DSP: variants seen among roughly 807,000 people sequenced by gnomAD.
DSP encodes the protein 250/210 kDa paraneoplastic pemphigus antigen.
Under a neutral mutation model 290.6 loss-of-function variants are expected in DSP, and 114 were observed. That is an observed-to-expected ratio of 0.39 (90% CI 0.34 to 0.46). The LOEUF is 0.46. Among genes scored for constraint, DSP ranks in the 20% least tolerant of loss-of-function variants. The pLI is 0.99. For missense variants in DSP, 3,230 were observed against 3,495.8 expected (o/e 0.92, Z 1.92); for synonymous variants, 1,311 against 1,316.4 (o/e 1.00, Z 0.09).
chr6:7,566,733 A>G (rs776589778), intron 8 of DSP, among the ~76,000 whole-genome samples: 2 of 152,210 alleles, frequency 1.3e-5, no homozygotes, highest in Non-Finnish European at 2.9e-5. Context: ...AGAAGGAGGC[A>G]TAGACACTGT....
intron 13 of DSP, among the ~76,000 whole-genome samples, chr6:7,571,081 C>T (rs1759029226): frequency 6.6e-6 from 1 of 151,898 alleles, no homozygotes; most frequent in Non-Finnish European, 1.5e-5. Flanking sequence ...TCCCCCGAGC[C>T]CTTTTTCTCT....
chr6:7,565,376 G>A lies in DSP; in HGVS notation c.795G>A (p.Arg265=). The A allele has an allele frequency of 6.2e-7, 1 of 1,614,072 alleles. No homozygotes were observed. Among genetic ancestry groups the A allele is most frequent in the Non-Finnish European group, 8.5e-7 (1 of 1,179,994 alleles). The change falls in exon 7 of 24, where the codon AGG becomes AGA. Residue 265 remains arginine, a synonymous_variant. Transcript: ENST00000379802. The surrounding 1 kb of genome is among the most constrained non-coding windows in gnomAD (Gnocchi z 4.2). ...CTGTGCAGAAAGCGTCCTTTGAGAG[G>A]ATGGATCACCTGCGACAGCTGCAGA... ...YENLLKASFE[R]MDHLRQLQNI... is the part of the protein sequence containing the mutation.
chr6:7,548,012 G>T (rs958274385), intron 1 of DSP, among the ~76,000 whole-genome samples: 1 of 152,132 alleles, frequency 6.6e-6, no homozygotes, highest in African/African-American at 2.4e-5. Context: ...GCTCACGCCT[G>T]TAATCCAGCA....
Position 7,584,352 on chromosome 6 carries a change from G to A in DSP, c.7090G>A (p.Gly2364Ser), listed in dbSNP as rs1197311272. 12 of 1,614,114 alleles carry A rather than the reference G, an allele frequency of 7.4e-6. No homozygotes were observed. Among genetic ancestry groups the A allele is most frequent in the Admixed American group, 5.0e-5 (3 of 60,028 alleles). The change falls in exon 24 of 24, where the codon GGT (glycine) becomes AGT (serine). Residue 2364 changes from glycine to serine, a missense_variant. By Grantham distance (56) the Gly-to-Ser change is moderately conservative (BLOSUM62 0). Transcript: ENST00000379802. The surrounding 1 kb of genome is among the most constrained non-coding windows in gnomAD (Gnocchi z 6.4). ...MNKELIEKGHGIRLLEAQIAT... is the reference protein window; with the variant it reads ...MNKELIEKGHSIRLLEAQIAT... Reference sequence around the variant, plus strand: ...TAAGGAACTCATCGAAAAGGGCCACGGTATTCGCTTATTAGAAGCACAGAT... The same window carrying A: ...TAAGGAACTCATCGAAAAGGGCCACAGTATTCGCTTATTAGAAGCACAGAT...
rs576627449 is a variant in DSP at position 7,559,020 on chromosome 6, C to T, written c.423-206C>T. Among the ~76,000 whole-genome samples, 4 of 152,176 alleles carry T rather than the reference C, an allele frequency of 2.6e-5. No homozygotes were observed. The South Asian group carries it at 6.2e-4, about 24-fold the overall frequency. ...GGCAGTGACGCTTTCTATGCTGTTA[C>T]GCACTTTGAACCTCTTCCTAAGATT... On this transcript the variant is annotated intron_variant, in intron 3 of 23. Transcript: ENST00000379802.
chr6:7,547,992 G>A (rs878930952), intron 1 of DSP, among the ~76,000 whole-genome samples: 3 of 152,040 alleles, frequency 2.0e-5, no homozygotes, highest in East Asian at 3.9e-4. Context: ...AATTTCTGCC[G>A]GGCGCGGTGG....
At chr6:7,549,534 C>CA (rs1467267598) in intron 1 of DSP, among the ~76,000 whole-genome samples, 2 of 152,228 alleles carry the variant, frequency 1.3e-5, no homozygotes, top group East Asian at 1.9e-4. Context: ...TCAAGAAACT[C>CA]AAACAAAATA....
chr6:7,574,277 A>G, intron 16 of DSP, 25 bp downstream of exon 16: 2 of 1,609,338 alleles, frequency 1.2e-6, no homozygotes, highest in Non-Finnish European at 1.7e-6. Context: ...CACTAATCTC[A>G]TATTTTCCTT....
chr6:7,548,873 T>C (rs984835527), intron 1 of DSP, among the ~76,000 whole-genome samples: 23 of 152,216 alleles, frequency 1.5e-4, no homozygotes, highest in African/African-American at 4.8e-4. Flanking sequence ...TCTTCCACTT[T>C]ACTAAGCCAA....
Position 7,562,654 on chromosome 6 carries a change from G to A in DSP, c.600G>A (p.Ala200=), listed in dbSNP as rs748400605. ...CTCTCTTTGTCTTTGTGTCGCAGGC[G>A]GAGATGGACATGGTGGCCTGGGGTG... The part of the protein sequence containing the change: ...ECLGWMRQQR[A]EMDMVAWGVD... Residue 200 remains alanine, a splice_region_variant and synonymous_variant, in exon 5 of 24, where the codon GCG becomes GCA. Transcript: ENST00000379802. 7 of 1,614,122 alleles carry A rather than the reference G, an allele frequency of 4.3e-6. No homozygotes were observed. The highest frequency in any genetic ancestry group is 1.7e-5 in the Admixed American group (1 of 60,006).
rs1437385753 is a variant in DSP at position 7,571,445 on chromosome 6, A to G, written c.1764A>G (p.Gln588=). ...KTIADLELHY[Q]EFIRNSQGSE... ...TAGCCGACCTTGAGTTACATTACCA[A>G]GAGTTCATCAGAAATAGCCAAGGCT... The change falls in exon 14 of 24, where the codon CAA becomes CAG. Residue 588 remains glutamine (Q), a synonymous_variant. Transcript: ENST00000379802. The G allele has an allele frequency of 1.2e-6, 2 of 1,614,118 alleles. No individual in the cohort carries two copies. The highest frequency in any genetic ancestry group is 1.7e-6 in the Non-Finnish European group (2 of 1,180,060).
At chr6:7,567,727 TG>T in intron 9 of DSP, 53 bp from the exon 10 acceptor site, 1 of 1,611,582 alleles carries the variant, frequency 6.2e-7, no homozygotes, top group South Asian at 1.1e-5. Context: ...AACTACTAGA[TG>T]AAATTGCTCA....
rs750952168 is a variant in DSP, at chr6:7,581,464, C to T, written c.5274C>T (p.Ile1758=). ...TGGAACTAAGGAGCCAGCTGCAGATCAGCAACAACCGGACCCTGGAACTGC... is the reference window on the plus strand; with the variant it reads ...TGGAACTAAGGAGCCAGCTGCAGATTAGCAACAACCGGACCCTGGAACTGC... ...TILELRSQLQ[I]SNNRTLELQG... Residue 1758 remains isoleucine, a synonymous_variant, in exon 23 of 24, where the codon ATC becomes ATT. Coordinates refer to ENST00000379802, the MANE Select transcript of DSP (RefSeq NM_004415.4). 4 of 1,612,496 alleles carry T rather than the reference C, an allele frequency of 2.5e-6. No individual in the cohort carries two copies. Among genetic ancestry groups the T allele is most frequent in the Non-Finnish European group, 3.4e-6 (4 of 1,179,410 alleles).
chr6:7,547,771 T>C lies in DSP; in HGVS notation c.170+5686T>C, dbSNP rs1387950647. On this transcript the variant is annotated intron_variant, in intron 1 of 23. Coordinates refer to ENST00000379802, the MANE Select transcript of DSP (RefSeq NM_004415.4). ...TCTTACCCTCAATAAGTTTCTTTCA[T>C]GCTGCTAAAGTGTATCACTCTCTGT... Among the ~76,000 whole-genome samples the C allele has an allele frequency of 5.3e-5, 8 of 152,310 alleles. No individual in the cohort carries two copies. The East Asian group carries it at 9.7e-4, about 18-fold the overall frequency.
chr6:7,576,606 A>T (rs1438027221), intron 19 of DSP, 150 bp downstream of exon 19: 1 of 1,001,980 alleles, frequency 1.0e-6, no homozygotes, highest in South Asian at 1.4e-5. Flanking sequence ...GAATGCCCAG[A>T]GGAAAAGCAA....
Position 7,583,796 on chromosome 6 carries a change from AAAG to A in DSP, c.6538_6540del (p.Lys2180del), listed in dbSNP as rs761044651. On this transcript the variant is annotated inframe_deletion, in exon 24 of 24. Coordinates refer to ENST00000379802, the MANE Select transcript of DSP (RefSeq NM_004415.4). The surrounding 1 kb of genome is among the most constrained non-coding windows in gnomAD (Gnocchi z 4.0). ...AAAACTTTGTGGATCCAGTCACCAA[AAAG>A]AAGGTCAGTTACGTGCAGCTGAAGG... 11 of 1,614,018 alleles carry A rather than the reference AAAG, an allele frequency of 6.8e-6. No homozygotes were observed. Among genetic ancestry groups the A allele is most frequent in the South Asian group, 5.5e-5 (5 of 91,080 alleles).
Position 7,580,541 on chromosome 6 carries a change from C to CT in DSP, c.4352dup (p.Arg1452GlufsTer15), listed in dbSNP as rs1311989478. ...GAGGAAACAGCAGCTGGAGGTTGAG[C>CT]TGAGACAAGTCACTCAGATGCGAAC... On this transcript the variant is annotated frameshift_variant, in exon 23 of 24. Transcript: ENST00000379802. LOFTEE classifies it high-confidence loss of function. The surrounding 1 kb of genome is among the most constrained non-coding windows in gnomAD (Gnocchi z 4.2). 1 of 1,614,082 alleles carries CT rather than the reference C, an allele frequency of 6.2e-7. No individual in the cohort carries two copies. Among genetic ancestry groups the CT allele is most frequent in the South Asian group, 1.1e-5 (1 of 91,058 alleles).
rs1759171777 is a variant in DSP, at chr6:7,574,564, C to G, written c.2298-93C>G. 5 of 1,551,410 alleles carry G rather than the reference C, an allele frequency of 3.2e-6. No homozygotes were observed. In the East Asian group the frequency reaches 1.1e-4, roughly 35 times the overall value. ...CAAAATAAATTTTTATCTGCTTTGACGTTGTTCCCTTTCATTACTAGCTGT... is the reference window on the plus strand; with the variant it reads ...CAAAATAAATTTTTATCTGCTTTGAGGTTGTTCCCTTTCATTACTAGCTGT... On this transcript the variant is annotated intron_variant, in intron 16 of 23. Transcript: ENST00000379802.
intron 23 of DSP, 138 bp downstream of exon 23, chr6:7,581,707 T>A (rs939808137): frequency 1.8e-5 from 22 of 1,211,574 alleles, no homozygotes; most frequent in Non-Finnish European, 2.5e-5. Flanking sequence ...CTCTACTACT[T>A]CCTGTCATAA....
Sources: allele counts gnomAD v4.1 joint callset (sites outside exome capture counted in the v4.1 genomes callset), GRCh38; gene constraint gnomAD v4.1.1; non-coding constraint Gnocchi (gnomAD v3.1); transcripts MANE v1.5; gene names NCBI Gene and HGNC (gene_info 2026-07-23, HGNC 2026-07-21).